NUMA1: variants seen among roughly 807,000 people sequenced by gnomAD.
NUMA1 encodes nuclear mitotic apparatus protein 1.
NUMA1 carries 62 observed loss-of-function variants against 237.1 expected under a neutral mutation model. That is an observed-to-expected ratio of 0.26 (90% CI 0.21 to 0.32). The LOEUF (loss-of-function observed/expected upper bound fraction) is 0.32. Among genes scored for constraint, NUMA1 ranks in the 10% least tolerant of loss-of-function variants. The pLI is 1.00. For synonymous variants in NUMA1, 1,028 were observed against 1,066.1 expected (o/e 0.96, Z 0.70); for missense variants, 2,533 against 2,666.5 (o/e 0.95, Z 1.10).
chr11:72,004,117 C>T lies in NUMA1; in HGVS notation c.6124-18G>A, dbSNP rs369144772. 6 of 1,612,976 alleles carry T rather than the reference C, an allele frequency of 3.7e-6. No homozygotes were observed. The highest frequency in any genetic ancestry group is 8.5e-7 in the Non-Finnish European group (1 of 1,179,582). On this transcript the variant is annotated intron_variant, in intron 25 of 26. Transcript: ENST00000393695. ...CGGTCAGCCTGCAAGGAAGGGCTGT[C>T]AGACCGGGAGACCCAATGCTGCCTT...
chr11:72,080,522 C>T lies in NUMA1; in HGVS notation c.-167G>A, dbSNP rs1400977613. ...ATCGTACCTCTTCGTGGGCTCGCGC[C>T]AGCGCTGTGAGCGCACAATTAGTTT... is the stretch of plus-strand genomic sequence containing the variant. On this transcript the variant is annotated 5_prime_UTR_variant, in exon 1 of 27. Transcript: ENST00000393695. 6.6e-6 allele frequency: 1 copy of T among 152,210 alleles called. No homozygotes were observed. Among genetic ancestry groups the T allele is most frequent in the East Asian group, 1.9e-4 (1 of 5,194 alleles). 9.4% of individuals were successfully genotyped at this position (152,210 alleles called of 1,614,324 possible).
rs752742319 is a variant in NUMA1 at position 72,014,012 on chromosome 11, A to G, written c.3491T>C (p.Leu1164Pro). Residue 1164 changes from leucine (L) to proline (P), a missense_variant, in exon 15 of 27, where the codon CTG becomes CCG. Transcript: ENST00000393695. The surrounding 1 kb of genome is among the most constrained non-coding windows in gnomAD (Gnocchi z 4.6). Reference sequence around the variant, plus strand: ...CTCTAACTGGCCCTGCAGAGTCTCCAGAGCACTGTCCCGCTCAGCCCGGGA... The same window carrying G: ...CTCTAACTGGCCCTGCAGAGTCTCCGGAGCACTGTCCCGCTCAGCCCGGGA... The part of the protein sequence containing the change: ...RASRAERDSA[L>P]ETLQGQLEEK... 2 of 1,612,048 alleles carry G rather than the reference A, an allele frequency of 1.2e-6. No homozygotes were observed. The highest frequency in any genetic ancestry group is 2.2e-5 in the South Asian group (2 of 91,070).
rs761184581 is a variant in NUMA1 at position 72,015,706 on chromosome 11, C to G, written c.1797G>C (p.Arg599=). Residue 599 remains arginine, a synonymous_variant, in exon 15 of 27, where the codon CGG becomes CGC. Coordinates refer to ENST00000393695, the MANE Select transcript of NUMA1 (RefSeq NM_006185.4). This position sits in a 1 kb window ranked among gnomAD's most constrained non-coding sequence, Gnocchi z 4.0. ...CCTCCAGCTGCTTGAGAGCCGCATC[C>G]CGCTCCCTTAAGGAGGCCTCTCGCT... ...AEEREASLRE[R]DAALKQLEAL... is the part of the protein sequence containing the mutation. 38 of 1,614,024 alleles carry G rather than the reference C, an allele frequency of 2.4e-5. No homozygotes were observed. The African/African-American group carries it at 4.0e-4, about 17-fold the overall frequency.
chr11:72,018,319 G>A lies in NUMA1; in HGVS notation c.861-19C>T, dbSNP rs1397112684. The A allele has an allele frequency of 6.2e-7, 1 of 1,610,728 alleles. No homozygotes were observed. The highest frequency in any genetic ancestry group is 8.5e-7 in the Non-Finnish European group (1 of 1,176,872). ...GGTAAGGCTGCGAGGGAGGGAAGCAGTGAGAAGAGAGTATGGGTTCCTGGC... is the reference window on the plus strand; with the variant it reads ...GGTAAGGCTGCGAGGGAGGGAAGCAATGAGAAGAGAGTATGGGTTCCTGGC... On this transcript the variant is annotated intron_variant, in intron 11 of 26. Coordinates refer to ENST00000393695, the MANE Select transcript of NUMA1 (RefSeq NM_006185.4).
intron 1 of NUMA1, among the ~76,000 whole-genome samples, chr11:72,072,913 G>C (rs1189479098): frequency 2.0e-5 from 3 of 151,928 alleles, no homozygotes; most frequent in Non-Finnish European, 4.4e-5. Flanking sequence ...GCGGTGGCGG[G>C]TGCCTGTAGT....
chr11:72,029,287 T>C lies in NUMA1; in HGVS notation c.46A>G (p.Asn16Asp), dbSNP rs1939989004. ...TRGAALLSWV[N>D]SLHVADPVEA... The stretch of plus-strand genomic sequence containing the variant: ...ACAGGGTCAGCCACGTGTAGACTGT[T>C]CACCTGTAAATCAAAGGGAACAGCC... Residue 16 changes from asparagine (N) to aspartate (D), a missense_variant, in exon 4 of 27, where the codon AAC (asparagine) becomes GAC (aspartate). Physicochemically the swap from Asn to Asp is conservative, Grantham distance 23. Around this residue, in one of 3 missense-constraint regions of NUMA1, gnomAD observed 1,414 missense variants for 1,508.1 expected, o/e 0.94. Coordinates refer to ENST00000393695, the MANE Select transcript of NUMA1 (RefSeq NM_006185.4). 2.5e-6 allele frequency: 4 copies of C among 1,604,340 alleles called. No individual in the cohort carries two copies. The highest frequency in any genetic ancestry group is 3.4e-6 in the Non-Finnish European group (4 of 1,177,250).
chr11:72,078,963 A>T (rs376958401), intron 1 of NUMA1, among the ~76,000 whole-genome samples: 18 of 152,256 alleles, frequency 1.2e-4, no homozygotes, highest in East Asian at 9.6e-4. Context: ...AGAACCAGGC[A>T]ACAGATACTA....
At chr11:72,078,572 A>G (rs1193951695) in intron 1 of NUMA1, among the ~76,000 whole-genome samples, 1 of 152,256 alleles carries the variant, frequency 6.6e-6, no homozygotes, top group Non-Finnish European at 1.5e-5. Context: ...TTCCACATGT[A>G]AAAAAGAATT....
chr11:72,015,200 T>C lies in NUMA1; in HGVS notation c.2303A>G (p.Glu768Gly). 1 of 1,613,500 alleles carries C rather than the reference T, an allele frequency of 6.2e-7. No homozygotes were observed. The highest frequency in any genetic ancestry group is 8.5e-7 in the Non-Finnish European group (1 of 1,180,046). ...CTCCCCAAGCTGCTGTAATCGAGCC[T>C]CCAGCCCCTTGCGCCCAGCCCTCTC... is the stretch of plus-strand genomic sequence containing the variant. ...EEERAGRKGL[E>G]ARLQQLGEAH... The change falls in exon 15 of 27, where the codon GAG becomes GGG. Residue 768 changes from glutamate to glycine, a missense_variant. Coordinates refer to ENST00000393695, the MANE Select transcript of NUMA1 (RefSeq NM_006185.4). This position sits in a 1 kb window ranked among gnomAD's most constrained non-coding sequence, Gnocchi z 4.0.
At chr11:72,012,853 A>G (rs1956245971) in intron 15 of NUMA1, 42 bp downstream of exon 15, 7 of 1,594,622 alleles carry the variant, frequency 4.4e-6, no homozygotes, top group Non-Finnish European at 6.0e-6. Context: ...CCGCGCTCTC[A>G]GCTCCTGATC....
chr11:72,019,656 T>G, intron 8 of NUMA1, 39 bp from the exon 9 acceptor site: 2 of 1,602,714 alleles, frequency 1.2e-6, no homozygotes, highest in Non-Finnish European at 1.7e-6. Flanking sequence ...CAACAAAGGT[T>G]AGTAAGAAGG....
intron 25 of NUMA1, 29 bp downstream of exon 25, chr11:72,004,196 G>A (rs371133975): frequency 1.0e-4 from 164 of 1,603,350 alleles, no homozygotes; most frequent in Admixed American, 8.6e-4. Flanking sequence ...CCAGGGCGTC[G>A]CTTCATCCCC....
chr11:72,013,485 C>T lies in NUMA1; in HGVS notation c.4018G>A (p.Glu1340Lys), dbSNP rs1956285974. The T allele has an allele frequency of 3.7e-6, 6 of 1,613,374 alleles. No homozygotes were observed. Among genetic ancestry groups the T allele is most frequent in the Non-Finnish European group, 8.5e-7 (1 of 1,180,050 alleles). Residue 1340 changes from glutamate to lysine, a missense_variant, in exon 15 of 27, where the codon GAG becomes AAG. This residue lies in a region of NUMA1 where 324 missense variants were observed against 407.6 expected (regional missense o/e 0.79). Coordinates refer to ENST00000393695, the MANE Select transcript of NUMA1 (RefSeq NM_006185.4). The surrounding 1 kb of genome is among the most constrained non-coding windows in gnomAD (Gnocchi z 6.8). ...AGCTGCAGGGTGGAGAGGGCCTGCT[C>T]TTTCTGGAAGAACTTCTCCTGCCAC... Reference protein sequence around the residue: ...KAWQEKFFQKEQALSTLQLEH... With the variant: ...KAWQEKFFQKKQALSTLQLEH...
chr11:72,003,783 A>C, intron 26 of NUMA1, 104 bp downstream of exon 26: 1 of 1,255,258 alleles, frequency 8.0e-7, no homozygotes, highest in Non-Finnish European at 1.1e-6. Context: ...CACACCCTCC[A>C]GCAGCCTGGC....
chr11:72,014,483 G>A lies in NUMA1; in HGVS notation c.3020C>T (p.Ala1007Val), dbSNP rs141626208. ...EERGQQEREV[A>V]RLTQERGRAQ... ...ACGGCCCCGCTCCTGGGTCAGCCGC[G>A]CCACCTCCCTTTCCTGCTGCCCACG... is the stretch of plus-strand genomic sequence containing the variant. Residue 1007 changes from alanine to valine, a missense_variant, in exon 15 of 27, where the codon GCG becomes GTG. Ala to Val is a moderately conservative substitution (Grantham distance 64). Around this residue, in one of 3 missense-constraint regions of NUMA1, gnomAD observed 1,414 missense variants for 1,508.1 expected, o/e 0.94. Transcript: ENST00000393695. The surrounding 1 kb of genome is among the most constrained non-coding windows in gnomAD (Gnocchi z 4.6). The A allele has an allele frequency of 2.1e-5, 34 of 1,602,258 alleles. No individual in the cohort carries two copies. The highest frequency in any genetic ancestry group is 1.6e-4 in the African/African-American group (12 of 74,926).
Position 72,014,415 on chromosome 11 carries a change from G to A in NUMA1, c.3088C>T (p.Leu1030Phe). The change falls in exon 15 of 27, where the codon CTT becomes TTT. Residue 1030 changes from leucine to phenylalanine, a missense_variant. This residue lies in a region of NUMA1 where 1,414 missense variants were observed against 1,508.1 expected (regional missense o/e 0.94). Transcript: ENST00000393695. This position sits in a 1 kb window ranked among gnomAD's most constrained non-coding sequence, Gnocchi z 4.6. ...AGGGCGTTCTGCAGCCGCATCTCAA[G>A]CTCTGCTCTGGCCGCCTTCTCCAGG... ...LALEKAARAE[L>F]EMRLQNALNE... The A allele has an allele frequency of 3.1e-6, 5 of 1,609,404 alleles. No homozygotes were observed. The South Asian group carries it at 5.5e-5, about 18-fold the overall frequency.
At chr11:72,051,109 A>G (rs7101701) in intron 2 of NUMA1, among the ~76,000 whole-genome samples, 134,790 of 152,138 alleles carry the variant, frequency 0.89, 60,002 homozygotes, top group Non-Finnish European at 0.95. Context: ...GGCTGGTCTC[A>G]AACACCTGGG....
rs769869712 is a variant in NUMA1 at position 72,016,420 on chromosome 11, A to G, written c.1230T>C (p.Gly410=). 4 of 1,613,892 alleles carry G rather than the reference A, an allele frequency of 2.5e-6. No homozygotes were observed. Among genetic ancestry groups the G allele is most frequent in the Admixed American group, 3.3e-5 (2 of 60,000 alleles). Residue 410 remains glycine, a synonymous_variant, in exon 14 of 27, where the codon GGT becomes GGC. Coordinates refer to ENST00000393695, the MANE Select transcript of NUMA1 (RefSeq NM_006185.4). ...TGTGCATTCCTACCTGCAAGACATC[A>G]CCCAGCACCTCGCCCTTCTCCTGGG... ...NPPQEKGEVL[G]DVLQLETLKQ... is the part of the protein sequence containing the mutation.
In NUMA1 at chr11:72,059,786, G is replaced by C. The variant is rs373982018; in HGVS notation, c.-33+10056C>G. Among the ~76,000 whole-genome samples, 5 of 152,214 alleles carry C rather than the reference G, an allele frequency of 3.3e-5. No individual in the cohort carries two copies. The East Asian group carries it at 9.6e-4, about 29-fold the overall frequency. On this transcript the variant is annotated intron_variant, in intron 2 of 26. Transcript: ENST00000393695. ...ATAATTAGAATTAATGGGTTGAAAA[G>C]CTTGTGTATTTTAAATGTCAACAGA...
Sources: allele counts gnomAD v4.1 joint callset (sites outside exome capture counted in the v4.1 genomes callset), GRCh38; gene constraint gnomAD v4.1.1; regional missense constraint gnomAD v4.1.1; non-coding constraint Gnocchi (gnomAD v3.1); transcripts MANE v1.5; gene names NCBI Gene and HGNC (gene_info 2026-07-23, HGNC 2026-07-21).